SDK1: variants seen among roughly 807,000 people sequenced by gnomAD.
SDK1 encodes the protein sidekick cell adhesion molecule 1.
A neutral mutation model predicts 245.5 loss-of-function variants in SDK1; 157 were observed. The observed-to-expected ratio is 0.64, with a 90% CI of 0.56 to 0.73. The LOEUF (loss-of-function observed/expected upper bound fraction) is 0.73. SDK1 is among the 30% of genes least tolerant of loss of function. The probability of loss-of-function intolerance (pLI) is 0.00; values close to 1 mark genes in which losing one functional copy is unlikely to be tolerated. For missense variants in SDK1, 3,583 were observed against 3,002.3 expected (o/e 1.19, Z -4.52); for synonymous variants, 1,647 against 1,278.5 (o/e 1.29, Z -6.15).
intron 4 of SDK1, among the ~76,000 whole-genome samples, chr7:3,801,848 T>C (rs1779114799): frequency 6.6e-6 from 1 of 152,198 alleles, no homozygotes; most frequent in African/African-American, 2.4e-5. Flanking sequence ...TGTTTTGTGA[T>C]TCGATTCTCA....
chr7:3,622,837 A>T (rs969547884), intron 2 of SDK1, among the ~76,000 whole-genome samples: 1 of 152,116 alleles, frequency 6.6e-6, no homozygotes, highest in Non-Finnish European at 1.5e-5. Context: ...GATAAATTAT[A>T]TTATGTTCCA....
intron 22 of SDK1, among the ~76,000 whole-genome samples, chr7:4,082,427 C>A (rs1781115827): frequency 6.6e-6 from 1 of 151,096 alleles, no homozygotes; most frequent in Non-Finnish European, 1.5e-5. Context: ...CCCAGCTATT[C>A]AGGAAGCTGA....
At chr7:3,507,771 C>T (rs1311135714) in intron 1 of SDK1, among the ~76,000 whole-genome samples, 3 of 152,142 alleles carry the variant, frequency 2.0e-5, no homozygotes, top group Non-Finnish European at 4.4e-5. Flanking sequence ...CTCCAATTAG[C>T]ATTGGAATAT....
At chr7:4,225,272 C>A (rs1244267626) in intron 40 of SDK1, among the ~76,000 whole-genome samples, 1 of 152,180 alleles carries the variant, frequency 6.6e-6, no homozygotes, top group South Asian at 2.1e-4. Context: ...TTGTTTCTTA[C>A]AACCGCTTGG....
chr7:4,189,986 T>TGA (rs1197189064), intron 35 of SDK1, among the ~76,000 whole-genome samples: 3 of 151,550 alleles, frequency 2.0e-5, no homozygotes, highest in African/African-American at 7.3e-5. Flanking sequence ...TTGGTTGGAA[T>TGA]GAGAGAAAAA....
rs181201047 is a variant in SDK1, at chr7:3,509,958, C to T, written c.299-109122C>T. 3.9e-5 allele frequency among the ~76,000 whole-genome samples: 6 copies of T among 152,246 alleles called. No individual in the cohort carries two copies. The East Asian group carries it at 1.2e-3, about 29-fold the overall frequency. On this transcript the variant is annotated intron_variant, in intron 1 of 44. Transcript: ENST00000404826. The stretch of plus-strand genomic sequence containing the variant: ...CCCCAGACTCATTAAATGAAGGTCT[C>T]CGAGTCATGAATAACATCGGTGGGT...
At chr7:3,955,061 A>G (rs1781149469) in intron 7 of SDK1, among the ~76,000 whole-genome samples, 1 of 151,818 alleles carries the variant, frequency 6.6e-6, no homozygotes, top group Admixed American at 6.6e-5. Context: ...CGCCTTCTCC[A>G]CGGTCTCCTC....
chr7:3,829,551 A>C (rs893842332), intron 5 of SDK1, among the ~76,000 whole-genome samples: 7 of 152,168 alleles, frequency 4.6e-5, no homozygotes, highest in African/African-American at 1.4e-4. Flanking sequence ...ATTCAAGCCA[A>C]AGTTTATTTG....
intron 5 of SDK1, among the ~76,000 whole-genome samples, chr7:3,920,473 G>C (rs889740828): frequency 6.6e-6 from 1 of 152,120 alleles, no homozygotes; most frequent in African/African-American, 2.4e-5. Flanking sequence ...TAGCTTCTAA[G>C]ACTGTGTTTC....
chr7:3,527,044 G>A (rs544084839), intron 1 of SDK1, among the ~76,000 whole-genome samples: 1 of 152,142 alleles, frequency 6.6e-6, no homozygotes, highest in East Asian at 1.9e-4. Context: ...TTCTGGTTTG[G>A]TCTGCTCTTG....
intron 1 of SDK1, among the ~76,000 whole-genome samples, chr7:3,514,573 G>T (rs1205738664): frequency 6.6e-6 from 1 of 152,130 alleles, no homozygotes; most frequent in Admixed American, 6.6e-5. Context: ...TCTCGTCACT[G>T]TCCTAGGTCA....
intron 1 of SDK1, among the ~76,000 whole-genome samples, chr7:3,608,761 C>A (rs1396469927): frequency 6.6e-6 from 1 of 152,174 alleles, no homozygotes; most frequent in Non-Finnish European, 1.5e-5. Flanking sequence ...AACAAAGCAC[C>A]AAAGTGTCAT....
intron 40 of SDK1, among the ~76,000 whole-genome samples, chr7:4,231,372 T>C (rs1193147888): frequency 6.7e-6 from 1 of 149,648 alleles, no homozygotes; most frequent in Admixed American, 6.7e-5. Flanking sequence ...GAGCCCAGCC[T>C]GGGCAACACA....
intron 1 of SDK1, among the ~76,000 whole-genome samples, chr7:3,607,013 T>C (rs1156602011): frequency 1.3e-5 from 2 of 152,196 alleles, no homozygotes; most frequent in African/African-American, 2.4e-5. Context: ...ATTGATTTGC[T>C]GTTTTGATAA....
chr7:3,658,330 G>C (rs1421914284), intron 4 of SDK1, among the ~76,000 whole-genome samples: 6 of 152,176 alleles, frequency 3.9e-5, no homozygotes, highest in Non-Finnish European at 8.8e-5. Flanking sequence ...CTAATATCGA[G>C]GTCATCCTTC....
chr7:3,889,706 C>T (rs1395790998), intron 5 of SDK1, among the ~76,000 whole-genome samples: 4 of 152,176 alleles, frequency 2.6e-5, no homozygotes, highest in African/African-American at 7.2e-5. Flanking sequence ...GACAGGGTTT[C>T]ATCGTGTTAG....
chr7:4,174,462 G>C (rs1782059160), intron 33 of SDK1, 105 bp downstream of exon 33: 4 of 1,286,390 alleles, frequency 3.1e-6, no homozygotes, highest in Non-Finnish European at 4.4e-6. Context: ...AAGAGGCTGA[G>C]AGAAGAGGCA....
intron 5 of SDK1, among the ~76,000 whole-genome samples, chr7:3,947,340 C>T (rs978625717): frequency 1.3e-5 from 2 of 152,100 alleles, no homozygotes; most frequent in East Asian, 1.9e-4. Context: ...GTTTCCTAGG[C>T]ACAATTACAT....
intron 1 of SDK1, among the ~76,000 whole-genome samples, chr7:3,576,258 C>T (rs1229927441): frequency 3.3e-5 from 5 of 152,128 alleles, no homozygotes; most frequent in Non-Finnish European, 7.4e-5. Flanking sequence ...CAAATAGGCT[C>T]CTTGGCGTCA....
Sources: allele counts gnomAD v4.1 joint callset (sites outside exome capture counted in the v4.1 genomes callset), GRCh38; gene constraint gnomAD v4.1.1; transcripts MANE v1.5; gene names NCBI Gene and HGNC (gene_info 2026-07-23, HGNC 2026-07-21).